The following RGS6 variants were observed in gnomAD, a reference collection of about 807,000 sequenced individuals.
RGS6 encodes regulator of G-protein signaling 6.
Under a neutral mutation model 78.5 loss-of-function variants are expected in RGS6, and 30 were observed. That is an observed-to-expected ratio of 0.38 (90% CI 0.29 to 0.52). The LOEUF is 0.52. Among genes scored for constraint, RGS6 ranks in the 20% least tolerant of loss-of-function variants. The pLI is 0.85. For missense variants in RGS6, 495 were observed against 609.7 expected, an observed-to-expected ratio of 0.81 and a Z score of 1.98; for synonymous variants, 206 against 206.0, an observed-to-expected ratio of 1.00 and a Z score of 0.00.
chr14:72,400,282 C>T (rs769047318), intron 3 of RGS6, among the ~76,000 whole-genome samples: 1 of 152,084 alleles, frequency 6.6e-6, no homozygotes, highest in African/African-American at 2.4e-5. Context: ...TTTACAGATG[C>T]CTTATCAAAA....
chr14:72,604,398 A>G, the RGS6 span, among the ~76,000 whole-genome samples: 7 of 152,184 alleles, frequency 4.6e-5, no homozygotes, highest in Admixed American at 4.6e-4. Context: ...CCTCCTCATG[A>G]AGGCCTTCTA....
chr14:72,419,534 G>T (rs2094044524), intron 3 of RGS6, among the ~76,000 whole-genome samples: 1 of 152,192 alleles, frequency 6.6e-6, no homozygotes, highest in South Asian at 2.1e-4. Context: ...TTTAAGTCGA[G>T]CCCAGATGCT....
At chr14:72,360,596 C>A (rs987021201) in intron 3 of RGS6, among the ~76,000 whole-genome samples, 11 of 151,458 alleles carry the variant, frequency 7.3e-5, no homozygotes, top group African/African-American at 1.7e-4. Context: ...AATAAGTGGG[C>A]AGATGTGATG....
At chr14:72,363,999 T>TAAAAA (rs55943058) in intron 3 of RGS6, among the ~76,000 whole-genome samples, 2,147 of 46,782 alleles carry the variant, frequency 0.046, 366 homozygotes, top group African/African-American at 0.069. Flanking sequence ...TGGACAAGGC[T>TAAAAA]AAAAAAAAAA....
At chr14:72,477,372 C>A in intron 11 of RGS6, 1 of 153,200 alleles carries the variant, frequency 6.5e-6, no homozygotes, top group South Asian at 2.1e-4. Context: ...ACAAAGCAAC[C>A]TACTGTTTAT....
At chr14:72,160,922 G>A (rs1197807524) in intron 2 of RGS6, among the ~76,000 whole-genome samples, 1 of 152,102 alleles carries the variant, frequency 6.6e-6, no homozygotes, top group Non-Finnish European at 1.5e-5. Flanking sequence ...TAGAATCCAA[G>A]CACTTAAGAT....
chr14:72,291,955 A>AC (rs1188394754), intron 2 of RGS6, among the ~76,000 whole-genome samples: 1 of 152,210 alleles, frequency 6.6e-6, no homozygotes, highest in African/African-American at 2.4e-5. Flanking sequence ...ATAGTGGGAC[A>AC]CAAACGTCCA....
At chr14:71,919,252 TG>T in the RGS6 span, among the ~76,000 whole-genome samples, 4 of 152,146 alleles carry the variant, frequency 2.6e-5, no homozygotes, top group Admixed American at 6.5e-5. Flanking sequence ...CCACAGTAAG[TG>T]CCCGTGGGGG....
chr14:72,277,823 G>A (rs1280850572), intron 2 of RGS6, among the ~76,000 whole-genome samples: 1 of 152,102 alleles, frequency 6.6e-6, no homozygotes, highest in Non-Finnish European at 1.5e-5. Context: ...AGCTATTTGG[G>A]AGGCTGAGGC....
chr14:72,318,964 T>C (rs1337874118), intron 2 of RGS6, among the ~76,000 whole-genome samples: 4 of 152,124 alleles, frequency 2.6e-5, no homozygotes, highest in Non-Finnish European at 5.9e-5. Context: ...TAACAGTAAA[T>C]CAGGTAAATT....
At chr14:72,426,789 C>T (rs1282532731) in intron 3 of RGS6, among the ~76,000 whole-genome samples, 5 of 152,238 alleles carry the variant, frequency 3.3e-5, no homozygotes, top group African/African-American at 1.2e-4. Flanking sequence ...TCTTGTGTGA[C>T]AGATTGTATT....
the RGS6 span, among the ~76,000 whole-genome samples, chr14:71,894,306 A>G: frequency 6.6e-6 from 1 of 152,230 alleles, no homozygotes; most frequent in Non-Finnish European, 1.5e-5. Context: ...GAGCATCCAG[A>G]TATCCCAATA....
intron 2 of RGS6, among the ~76,000 whole-genome samples, chr14:72,141,297 C>G (rs549274636): frequency 6.6e-6 from 1 of 152,152 alleles, no homozygotes; most frequent in Non-Finnish European, 1.5e-5. Context: ...ATCTATGCCT[C>G]AAGAACTCCA....
chr14:72,413,660 C>A (rs1168470574), intron 3 of RGS6, among the ~76,000 whole-genome samples: 2 of 152,146 alleles, frequency 1.3e-5, no homozygotes, highest in Non-Finnish European at 2.9e-5. Context: ...TCTTCCTAGC[C>A]TTGATGGTCT....
intron 3 of RGS6, among the ~76,000 whole-genome samples, chr14:72,438,732 CCTTG>C (rs925941452): frequency 6.6e-6 from 1 of 152,246 alleles, no homozygotes; most frequent in African/African-American, 2.4e-5. Context: ...AAACTGGTCT[CCTTG>C]CTTCTACTCC....
chr14:72,093,567 A>G (rs138656931), intron 2 of RGS6, among the ~76,000 whole-genome samples: 76 of 152,302 alleles, frequency 5.0e-4, no homozygotes, highest in African/African-American at 1.8e-3. Context: ...TTAAAACAAT[A>G]TAAGTATTAT....
At chr14:72,234,306 T>C (rs553253551) in intron 2 of RGS6, among the ~76,000 whole-genome samples, 21 of 151,908 alleles carry the variant, frequency 1.4e-4, no homozygotes, top group Admixed American at 3.3e-4. Context: ...AAATTCTGAT[T>C]TGCATAACCA....
At position 71,963,949 on chromosome 14, in the gene RGS6, A is replaced by G. The variant is rs1361975834; in HGVS notation, c.-20-823A>G. 2.0e-5 allele frequency among the ~76,000 whole-genome samples: 3 copies of G among 152,240 alleles called. No individual in the cohort carries two copies. The East Asian group carries it at 5.8e-4, about 29-fold the overall frequency. ...GAGGAAACACTAAGCTGTTTTCAGC[A>G]GTGACTGTGTCATTTTACATTCCTA... On this transcript the variant is annotated intron_variant, in intron 1 of 17. Transcript: ENST00000553525.
At chr14:72,228,292 A>C (rs2153805796) in intron 2 of RGS6, among the ~76,000 whole-genome samples, 1 of 152,060 alleles carries the variant, frequency 6.6e-6, no homozygotes, top group Non-Finnish European at 1.5e-5. Flanking sequence ...GAGGCAGGAG[A>C]ATTCCTTGAA....
Sources: allele counts gnomAD v4.1 joint callset (sites outside exome capture counted in the v4.1 genomes callset), GRCh38; gene constraint gnomAD v4.1.1; transcripts MANE v1.5; gene names NCBI Gene and HGNC (gene_info 2026-07-23, HGNC 2026-07-21).